The following PLCB1 variants were observed in gnomAD, a reference collection of about 807,000 sequenced individuals.
PLCB1 encodes 1-phosphatidylinositol 4,5-bisphosphate phosphodiesterase beta-1.
In PLCB1, 46 loss-of-function variants were observed where a neutral mutation model predicts 161.8. That is an observed-to-expected ratio of 0.28 (90% CI 0.22 to 0.36). The LOEUF (loss-of-function observed/expected upper bound fraction) is 0.36, where lower values mean the gene tolerates loss of function less well. Ranked by LOEUF, PLCB1 falls within the 10% of genes least tolerant of loss-of-function variation. PLCB1 has a pLI of 1.00. For missense variants in PLCB1, 1,016 were observed against 1,472.5 expected (o/e 0.69, Z 5.07); for synonymous variants, 517 against 503.7 (o/e 1.03, Z -0.35).
chr20:8,360,433 AT>A (rs952440776), intron 2 of PLCB1, among the ~76,000 whole-genome samples: 1 of 151,920 alleles, frequency 6.6e-6, no homozygotes, highest in African/African-American at 2.4e-5. Flanking sequence ...CTCTACATTG[AT>A]TTTTTTTCAA....
chr20:8,644,543 G>A (rs1428490158), intron 4 of PLCB1, among the ~76,000 whole-genome samples: 2 of 150,370 alleles, frequency 1.3e-5, no homozygotes, highest in Admixed American at 1.3e-4. Flanking sequence ...GAGAAGTGAG[G>A]AGACCCTCCG....
intron 2 of PLCB1, among the ~76,000 whole-genome samples, chr20:8,349,826 T>C (rs1173599104): frequency 6.6e-6 from 1 of 151,992 alleles, no homozygotes; most frequent in Non-Finnish European, 1.5e-5. Context: ...GTCAGAATGG[T>C]CTGTGGAAAA....
intron 31 of PLCB1, among the ~76,000 whole-genome samples, chr20:8,862,113 C>T (rs1987277046): frequency 6.6e-6 from 1 of 152,168 alleles, no homozygotes; most frequent in South Asian, 2.1e-4. Flanking sequence ...CTACTGAATA[C>T]AGCACAGTAA....
chr20:8,442,999 A>C (rs1389657069), intron 3 of PLCB1, among the ~76,000 whole-genome samples: 1 of 134,748 alleles, frequency 7.4e-6, no homozygotes, highest in Non-Finnish European at 1.6e-5. Context: ...TTTTTTTTTG[A>C]GATGGAGTCT....
chr20:8,471,700 C>A (rs193009903), intron 3 of PLCB1, among the ~76,000 whole-genome samples: 26 of 152,252 alleles, frequency 1.7e-4, no homozygotes, highest in Non-Finnish European at 2.5e-4. Context: ...ATTTTGCAGA[C>A]TCGCCTTGTT....
intron 2 of PLCB1, among the ~76,000 whole-genome samples, chr20:8,241,549 T>C (rs560943363): frequency 6.6e-6 from 1 of 151,852 alleles, no homozygotes; most frequent in Non-Finnish European, 1.5e-5. Flanking sequence ...AGAAGTGCAA[T>C]GAAATATTAA....
At chr20:8,459,405 A>T (rs1427955070) in intron 3 of PLCB1, among the ~76,000 whole-genome samples, 1 of 152,180 alleles carries the variant, frequency 6.6e-6, no homozygotes, top group East Asian at 1.9e-4. Context: ...TTATAACCAG[A>T]TGCTTGAACC....
In PLCB1 at chr20:8,244,767, C is replaced by G. The variant is rs545347503; in HGVS notation, c.177+94396C>G. Among the ~76,000 whole-genome samples, 3 of 151,908 alleles carry G rather than the reference C, an allele frequency of 2.0e-5. No individual in the cohort carries two copies. In the South Asian group the frequency reaches 6.2e-4, roughly 32 times the overall value. ...TTTTATACCTCAAAATGTTTCACAA[C>G]ACATTATTTTCTCCTTTCCAATTCC... is the stretch of plus-strand genomic sequence containing the variant. On this transcript the variant is annotated intron_variant, in intron 2 of 31. Transcript: ENST00000338037.
chr20:8,678,881 AC>A (rs1276687817), intron 9 of PLCB1, among the ~76,000 whole-genome samples: 1 of 152,196 alleles, frequency 6.6e-6, no homozygotes, highest in Non-Finnish European at 1.5e-5. Flanking sequence ...TATCTGGCCA[AC>A]ATGAAATTAG....
At chr20:8,857,091 G>A (rs1008237912) in intron 31 of PLCB1, among the ~76,000 whole-genome samples, 4 of 152,230 alleles carry the variant, frequency 2.6e-5, no homozygotes, top group South Asian at 4.2e-4. Flanking sequence ...TAGAACGACC[G>A]GATCTCTCCA....
At chr20:8,427,092 G>A (rs1979815725) in intron 3 of PLCB1, among the ~76,000 whole-genome samples, 1 of 152,046 alleles carries the variant, frequency 6.6e-6, no homozygotes, top group Non-Finnish European at 1.5e-5. Context: ...TGTATTTTTG[G>A]TAGAGATGGG....
At chr20:8,848,997 G>C (rs1986793216) in intron 31 of PLCB1, among the ~76,000 whole-genome samples, 1 of 152,172 alleles carries the variant, frequency 6.6e-6, no homozygotes, top group Admixed American at 6.5e-5. Context: ...TTGGGGGCTT[G>C]GAAGCCAAAC....
At chr20:8,177,394 T>C (rs938064488) in intron 2 of PLCB1, among the ~76,000 whole-genome samples, 4 of 152,110 alleles carry the variant, frequency 2.6e-5, no homozygotes, top group Non-Finnish European at 5.9e-5. Context: ...TGTTGATAAA[T>C]TACCCAGTCT....
intron 2 of PLCB1, among the ~76,000 whole-genome samples, chr20:8,335,532 T>C (rs895785420): frequency 2.0e-5 from 3 of 152,242 alleles, no homozygotes; most frequent in African/African-American, 7.2e-5. Flanking sequence ...TCATGTTTCA[T>C]GATTTTCCCT....
chr20:8,685,259 T>C (rs946037486), intron 10 of PLCB1, among the ~76,000 whole-genome samples, 181 bp downstream of exon 10: 13 of 152,190 alleles, frequency 8.5e-5, no homozygotes, highest in African/African-American at 2.4e-5. Context: ...TCCACATGTG[T>C]ATGAAGCAAT....
rs972984497 is a variant in PLCB1 at position 8,215,860 on chromosome 20, T to TTA, written c.177+65499_177+65500dup. On this transcript the variant is annotated intron_variant, in intron 2 of 31. Coordinates refer to ENST00000338037, the MANE Select transcript of PLCB1 (RefSeq NM_015192.4). The stretch of plus-strand genomic sequence containing the variant: ...AAGTTTTATATGTATGTATATATAT[T>TTA]TATATATATATTTAATTCACAGCAG... Among the ~76,000 whole-genome samples the TTA allele has an allele frequency of 8.6e-5, 13 of 151,600 alleles. No individual in the cohort carries two copies. The East Asian group carries it at 1.2e-3, about 14-fold the overall frequency.
At chr20:8,425,130 G>T (rs75080281) in intron 3 of PLCB1, among the ~76,000 whole-genome samples, 349 of 140,526 alleles carry the variant, frequency 2.5e-3, no homozygotes, top group African/African-American at 7.9e-3. Context: ...ATTCTGAGGT[G>T]TTTTTTTTTT....
At chr20:8,177,901 T>G (rs115070211) in intron 2 of PLCB1, among the ~76,000 whole-genome samples, 2,217 of 152,228 alleles carry the variant, frequency 0.015, 62 homozygotes, top group African/African-American at 0.051. Context: ...GACAGAAATG[T>G]GTACTCAATG....
intron 2 of PLCB1, among the ~76,000 whole-genome samples, chr20:8,279,296 A>G (rs1297784615): frequency 1.3e-5 from 2 of 152,204 alleles, no homozygotes; most frequent in African/African-American, 4.8e-5. Context: ...ATTTAGCCTT[A>G]AAAAAGCCAT....
Sources: allele counts gnomAD v4.1 joint callset (sites outside exome capture counted in the v4.1 genomes callset), GRCh38; gene constraint gnomAD v4.1.1; transcripts MANE v1.5; gene names NCBI Gene and HGNC (gene_info 2026-07-23, HGNC 2026-07-21).